Variants in RPRD1B observed in about 807,000 individuals in gnomAD.
The protein encoded by RPRD1B is regulation of nuclear pre-mRNA domain containing 1B.
A neutral mutation model predicts 41.5 loss-of-function variants in RPRD1B; 11 were observed. The ratio of observed to expected loss-of-function variants is 0.27; its 90% CI spans 0.17 to 0.44. The LOEUF (loss-of-function observed/expected upper bound fraction) is 0.44, where lower values mean the gene tolerates loss of function less well. Among genes scored for constraint, RPRD1B ranks in the 20% least tolerant of loss-of-function variants. The pLI is 1.00. For synonymous variants in RPRD1B, 158 were observed against 155.6 expected (o/e 1.02, Z -0.12); for missense variants, 248 against 389.9 (o/e 0.64, Z 3.06).
At position 38,057,625 on chromosome 20, in the gene RPRD1B, C is replaced by T. The variant is rs370609624; in HGVS notation, c.509C>T (p.Pro170Leu). Residue 170 changes from proline to leucine, a missense_variant, in exon 4 of 7, where the codon CCT becomes CTT. Coordinates refer to ENST00000373433, the MANE Select transcript of RPRD1B (RefSeq NM_021215.4). ...CCTGGCAGCTACTCTCCTCAGGATC[C>T]TTCTGCAGGACCCCTCTTGGTAGGT... ...DYPGSYSPQD[P>L]SAGPLLTEEL... 1.2e-6 allele frequency: 2 copies of T among 1,613,416 alleles called. No individual in the cohort carries two copies. The highest frequency in any genetic ancestry group is 1.3e-5 in the African/African-American group (1 of 74,902).
At chr20:38,046,077 AAGG>A (rs1212212568) in intron 2 of RPRD1B, among the ~76,000 whole-genome samples, 1 of 152,186 alleles carries the variant, frequency 6.6e-6, no homozygotes, top group Non-Finnish European at 1.5e-5. Context: ...ATTCCATTTG[AAGG>A]AGAAGAGATA....
Position 38,089,720 on chromosome 20 carries a change from C to T in RPRD1B, c.832-6C>T. 6.2e-7 allele frequency: 1 copy of T among 1,611,670 alleles called. No individual in the cohort carries two copies. The highest frequency in any genetic ancestry group is 8.5e-7 in the Non-Finnish European group (1 of 1,177,910). On this transcript the variant is annotated splice_polypyrimidine_tract_variant and splice_region_variant and intron_variant, in intron 6 of 6. Coordinates refer to ENST00000373433, the MANE Select transcript of RPRD1B (RefSeq NM_021215.4). Reference sequence around the variant, plus strand: ...TAACGGTATTGTCTTCTCTTTATCTCCTTAGGAATACAAACAGAAGCTTGC... The same window carrying T: ...TAACGGTATTGTCTTCTCTTTATCTTCTTAGGAATACAAACAGAAGCTTGC...
chr20:38,069,530 G>A (rs2074390946), intron 6 of RPRD1B, among the ~76,000 whole-genome samples: 1 of 152,210 alleles, frequency 6.6e-6, no homozygotes, highest in Non-Finnish European at 1.5e-5. Flanking sequence ...TCAGATGTGG[G>A]AAGGAGGTGC....
At chr20:38,040,406 G>A in intron 1 of RPRD1B, 29 bp from the exon 2 acceptor site, 1 of 1,555,266 alleles carries the variant, frequency 6.4e-7, no homozygotes, top group Non-Finnish European at 8.7e-7. Context: ...TTTGGTGTAA[G>A]TTAAATTCTT....
At chr20:38,048,283 G>C in intron 2 of RPRD1B, 65 bp from the exon 3 acceptor site, 1 of 1,465,268 alleles carries the variant, frequency 6.8e-7, no homozygotes, top group Non-Finnish European at 9.3e-7. Context: ...TTTTTAAGTA[G>C]GTCTGTCCTA....
intron 2 of RPRD1B, among the ~76,000 whole-genome samples, chr20:38,044,068 A>G (rs898554006): frequency 2.0e-5 from 3 of 152,188 alleles, no homozygotes; most frequent in Non-Finnish European, 4.4e-5. Flanking sequence ...AGGGCTCATC[A>G]TGTAGTCATA....
At position 38,066,004 on chromosome 20, in the gene RPRD1B, C is replaced by G. The variant is rs2074350491; in HGVS notation, c.656-77C>G. 12 of 1,416,778 alleles carry G rather than the reference C, an allele frequency of 8.5e-6. No individual in the cohort carries two copies. In the South Asian group the frequency reaches 1.5e-4, roughly 18 times the overall value. The allele number at this position is 1,416,778 out of a possible 1,614,324, so 87.8% of individuals were successfully genotyped here. ...TGTATATTGGGAGAGAAACCGTTAA[C>G]CTCCCCCAGAAATGTTTGTAGTCAT... is the stretch of plus-strand genomic sequence containing the variant. On this transcript the variant is annotated intron_variant, in intron 5 of 6. Transcript: ENST00000373433.
chr20:38,085,068 T>G (rs1466134419), intron 6 of RPRD1B, among the ~76,000 whole-genome samples: 3 of 152,146 alleles, frequency 2.0e-5, no homozygotes, highest in Non-Finnish European at 4.4e-5. Flanking sequence ...CACATCTCAG[T>G]ATAAATAATG....
intron 1 of RPRD1B, among the ~76,000 whole-genome samples, chr20:38,036,361 A>C (rs911259385): frequency 2.0e-5 from 3 of 152,196 alleles, no homozygotes; most frequent in Non-Finnish European, 2.9e-5. Flanking sequence ...AATGCATTTA[A>C]TAAGTGAAGG....
At chr20:38,053,075 A>ACC (rs1308748774) in intron 3 of RPRD1B, among the ~76,000 whole-genome samples, 2 of 152,014 alleles carry the variant, frequency 1.3e-5, no homozygotes, top group Non-Finnish European at 2.9e-5. Context: ...GACTTTGGCT[A>ACC]CCCCCACAGT....
At chr20:38,057,149 C>A (rs1422535991) in intron 3 of RPRD1B, among the ~76,000 whole-genome samples, 2 of 152,098 alleles carry the variant, frequency 1.3e-5, no homozygotes, top group Non-Finnish European at 2.9e-5. Context: ...CTGAAATGAT[C>A]CCTGGAAAGC....
chr20:38,049,254 T>G (rs2074154446), intron 3 of RPRD1B, among the ~76,000 whole-genome samples: 1 of 152,038 alleles, frequency 6.6e-6, no homozygotes, highest in South Asian at 2.1e-4. Flanking sequence ...AGCTTAAAAC[T>G]GATTTTGATC....
intron 6 of RPRD1B, among the ~76,000 whole-genome samples, chr20:38,079,159 C>A (rs2074491141): frequency 6.6e-6 from 1 of 152,156 alleles, no homozygotes; most frequent in African/African-American, 2.4e-5. Context: ...GCGTTGTTTT[C>A]ATTCCCATCT....
intron 6 of RPRD1B, among the ~76,000 whole-genome samples, chr20:38,082,884 G>C (rs897905745): frequency 3.9e-5 from 6 of 151,986 alleles, no homozygotes; most frequent in Admixed American, 6.6e-5. Flanking sequence ...TCTTACCCTG[G>C]GCAGATCTGC....
chr20:38,069,900 A>C (rs2074394950), intron 6 of RPRD1B, among the ~76,000 whole-genome samples: 1 of 152,244 alleles, frequency 6.6e-6, no homozygotes, highest in African/African-American at 2.4e-5. Flanking sequence ...AAAGTTTGCT[A>C]GACTGTATAC....
rs2074613047 is a variant in RPRD1B at position 38,091,655 on chromosome 20, G to T, written c.*1780G>T. On this transcript the variant is annotated 3_prime_UTR_variant, in exon 7 of 7. Transcript: ENST00000373433. ...TCTCCCCCACCCCCCGTGGTGTGCTGCTTTCTAGATGAGCGTGTTTTGGAG... is the reference window on the plus strand; with the variant it reads ...TCTCCCCCACCCCCCGTGGTGTGCTTCTTTCTAGATGAGCGTGTTTTGGAG... 9.1e-6 allele frequency: 9 copies of T among 985,570 alleles called. No homozygotes were observed. The highest frequency in any genetic ancestry group is 1.1e-5 in the Non-Finnish European group (9 of 830,032). The allele number at this position is 985,570 out of a possible 1,614,324, so 61.1% of individuals were successfully genotyped here. A position where few individuals can be genotyped will look rare whatever the true frequency, so the allele number is the denominator to read the frequency against.
chr20:38,069,688 G>A (rs1352632400), intron 6 of RPRD1B, among the ~76,000 whole-genome samples: 1 of 152,202 alleles, frequency 6.6e-6, no homozygotes, highest in African/African-American at 2.4e-5. Flanking sequence ...TAGTCAGGGG[G>A]AAATAGCAGC....
chr20:38,046,778 G>T (rs11908522), intron 2 of RPRD1B, among the ~76,000 whole-genome samples: 4 of 152,120 alleles, frequency 2.6e-5, no homozygotes, highest in African/African-American at 9.7e-5. Context: ...CGGGGGTGGG[G>T]AAGAGTGGGT....
At chr20:38,053,690 A>G (rs919312036) in intron 3 of RPRD1B, among the ~76,000 whole-genome samples, 25 of 152,220 alleles carry the variant, frequency 1.6e-4, no homozygotes, top group African/African-American at 4.8e-5. Context: ...GATTAATTTA[A>G]TAACAGAATA....
Sources: allele counts gnomAD v4.1 joint callset (sites outside exome capture counted in the v4.1 genomes callset), GRCh38; gene constraint gnomAD v4.1.1; transcripts MANE v1.5; gene names NCBI Gene and HGNC (gene_info 2026-07-23, HGNC 2026-07-21).